MTHFD1: variants seen among roughly 807,000 people sequenced by gnomAD.
MTHFD1 encodes the protein C-1-tetrahydrofolate synthase, cytoplasmic.
In MTHFD1, 44 loss-of-function variants were observed where a neutral mutation model predicts 110.3. The observed-to-expected ratio is 0.40, with a 90% CI of 0.31 to 0.51. MTHFD1 has a LOEUF of 0.51. Ranked by LOEUF, MTHFD1 falls within the 20% of genes least tolerant of loss-of-function variation. The pLI, the probability that MTHFD1 is intolerant of heterozygous loss-of-function variation, is 0.60. For synonymous variants in MTHFD1, 402 were observed against 428.8 expected (o/e 0.94, Z 0.77); for missense variants, 909 against 1,173.1 (o/e 0.77, Z 3.29).
chr14:64,396,478 G>C (rs2077850280), intron 1 of MTHFD1, among the ~76,000 whole-genome samples: 1 of 143,744 alleles, frequency 7.0e-6, no homozygotes, highest in South Asian at 2.2e-4. Flanking sequence ...CGCAACCTCT[G>C]CCTCCCGGGT....
intron 23 of MTHFD1, chr14:64,448,960 C>T (rs1330416957): frequency 8.7e-6 from 2 of 228,622 alleles, no homozygotes; most frequent in East Asian, 1.1e-4. Flanking sequence ...CCACCATGCC[C>T]AGCTAATTTT....
chr14:64,448,326 A>G lies in MTHFD1; in HGVS notation c.2279+9A>G, dbSNP rs762229336. 1 of 1,588,608 alleles carries G rather than the reference A, an allele frequency of 6.3e-7. No homozygotes were observed. The highest frequency in any genetic ancestry group is 1.7e-5 in the Admixed American group (1 of 60,004). On this transcript the variant is annotated intron_variant, in intron 23 of 27. Transcript: ENST00000652337. ...GCCGTGAATGCATTCAAGTAAGTGT[A>G]GAGTGTAAGCGAAAAGGATGAATGT...
At chr14:64,444,514 T>C (rs1308275485) in intron 21 of MTHFD1, among the ~76,000 whole-genome samples, 179 bp from the exon 22 acceptor site, 1 of 152,058 alleles carries the variant, frequency 6.6e-6, no homozygotes, top group Non-Finnish European at 1.5e-5. Context: ...AAGCAGTCGA[T>C]TTTGTTCTGT....
chr14:64,458,365 T>A, intron 27 of MTHFD1, 58 bp downstream of exon 27: 1 of 1,086,024 alleles, frequency 9.2e-7, no homozygotes, highest in Non-Finnish European at 1.4e-6. Flanking sequence ...ATTTATGAAT[T>A]ATAGGGCTCA....
At chr14:64,410,523 G>A (rs1027381201) in intron 2 of MTHFD1, among the ~76,000 whole-genome samples, 1 of 152,164 alleles carries the variant, frequency 6.6e-6, no homozygotes, top group Admixed American at 6.5e-5. Context: ...GCTGCACCCG[G>A]CCTCCTCTCT....
intron 11 of MTHFD1, 79 bp from the exon 12 acceptor site, chr14:64,427,258 A>C: frequency 3.7e-5 from 55 of 1,480,070 alleles, no homozygotes; most frequent in Non-Finnish European, 4.4e-5. Context: ...GTCATTCTCT[A>C]GGATCTGCTA....
chr14:64,403,281 T>TA (rs886408583), intron 2 of MTHFD1, among the ~76,000 whole-genome samples: 6 of 1,406 alleles, frequency 4.3e-3, no homozygotes, highest in African/African-American at 0.032. Context: ...ACCCTGCTAA[T>TA]TTTTTTTTTT....
At chr14:64,426,653 TAG>T (rs1170614658) in intron 11 of MTHFD1, among the ~76,000 whole-genome samples, 1 of 152,080 alleles carries the variant, frequency 6.6e-6, no homozygotes, top group Non-Finnish European at 1.5e-5. Flanking sequence ...GTATTTTTAG[TAG>T]AGAGTGTGTT....
chr14:64,427,954 G>C (rs1436029533), intron 12 of MTHFD1, among the ~76,000 whole-genome samples: 2 of 152,070 alleles, frequency 1.3e-5, no homozygotes, highest in Non-Finnish European at 2.9e-5. Flanking sequence ...TTTTAAAATA[G>C]CAGCAACTGG....
chr14:64,433,355 G>A (rs1167238250), intron 15 of MTHFD1, among the ~76,000 whole-genome samples: 4 of 152,030 alleles, frequency 2.6e-5, no homozygotes, highest in Non-Finnish European at 5.9e-5. Context: ...CTGACCTCAG[G>A]TGACCCACCC....
intron 19 of MTHFD1, 70 bp downstream of exon 19, chr14:64,441,523 C>T (rs1359607684): frequency 5.3e-5 from 78 of 1,468,360 alleles, no homozygotes; most frequent in Non-Finnish European, 2.9e-5. Flanking sequence ...ATAAAGCACA[C>T]TTGCAAGGCG....
At chr14:64,438,991 T>C in intron 16 of MTHFD1, 105 bp from the exon 17 acceptor site, 1 of 816,776 alleles carries the variant, frequency 1.2e-6, no homozygotes, top group Non-Finnish European at 2.1e-6. Flanking sequence ...GAAATATTGA[T>C]AGACAATCAT....
intron 16 of MTHFD1, among the ~76,000 whole-genome samples, chr14:64,438,447 T>C (rs2078223224): frequency 6.6e-6 from 1 of 152,208 alleles, no homozygotes; most frequent in Non-Finnish European, 1.5e-5. Flanking sequence ...ATATTTCCTA[T>C]TACACTACAC....
intron 1 of MTHFD1, among the ~76,000 whole-genome samples, chr14:64,397,430 C>A (rs527240487): frequency 6.6e-5 from 10 of 151,500 alleles, no homozygotes; most frequent in Admixed American, 1.3e-4. Context: ...GTAGCTGAGA[C>A]TACAGGCGCG....
chr14:64,424,667 C>T, intron 8 of MTHFD1, 137 bp from the exon 9 acceptor site: 1 of 918,618 alleles, frequency 1.1e-6, no homozygotes, highest in African/African-American at 1.6e-5. Context: ...ATCTGTCATT[C>T]CATAGCTTTT....
At chr14:64,453,168 A>G (rs1186939389) in intron 24 of MTHFD1, among the ~76,000 whole-genome samples, 1 of 152,102 alleles carries the variant, frequency 6.6e-6, no homozygotes, top group Non-Finnish European at 1.5e-5. Context: ...ATGTGTATCT[A>G]TATCTATATA....
intron 21 of MTHFD1, among the ~76,000 whole-genome samples, chr14:64,444,337 C>T (rs529396309): frequency 2.7e-3 from 404 of 151,858 alleles, no homozygotes; most frequent in Non-Finnish European, 4.9e-3. Flanking sequence ...TCCGCAGGCC[C>T]GACCGCTTCC....
chr14:64,452,885 T>A (rs887503079), intron 24 of MTHFD1, among the ~76,000 whole-genome samples: 1 of 151,960 alleles, frequency 6.6e-6, no homozygotes, highest in Non-Finnish European at 1.5e-5. Context: ...ATTATTATTT[T>A]AAAATTTTTA....
chr14:64,432,745 GTTTTGTTTTGT>G (rs1204085675), intron 15 of MTHFD1, among the ~76,000 whole-genome samples: 1 of 152,068 alleles, frequency 6.6e-6, no homozygotes, highest in Non-Finnish European at 1.5e-5. Flanking sequence ...AAGGAGAGGT[GTTTTGTTTTGT>G]TTTTTGTTTT....
Sources: gnomAD v4.1 joint callset for allele counts (sites outside exome capture counted in the v4.1 genomes callset) on GRCh38, gnomAD v4.1.1 for gene constraint, MANE v1.5 for transcripts, NCBI Gene and HGNC (gene_info 2026-07-23, HGNC 2026-07-21) for gene names.